Variants in MYO7A observed in about 807,000 individuals in gnomAD.
MYO7A encodes the protein unconventional myosin-VIIa.
Under a neutral mutation model 263.8 loss-of-function variants are expected in MYO7A, and 210 were observed. The ratio of observed to expected loss-of-function variants is 0.80; its 90% CI spans 0.71 to 0.89. The LOEUF (loss-of-function observed/expected upper bound fraction) is 0.89. MYO7A is among the 40% of genes least tolerant of loss of function. The probability of loss-of-function intolerance (pLI) is 0.00; values close to 1 mark genes in which losing one functional copy is unlikely to be tolerated. For synonymous variants in MYO7A, 1,239 were observed against 1,197.3 expected (o/e 1.03, Z -0.72); for missense variants, 2,820 against 2,968.3 (o/e 0.95, Z 1.16).
chr11:77,156,524 C>T, intron 5 of MYO7A, 136 bp from the exon 6 acceptor site: 2 of 1,298,704 alleles, frequency 1.5e-6, no homozygotes, highest in South Asian at 1.4e-5. Context: ...GAGCCCTGCC[C>T]CAGCCCTGGA....
chr11:77,148,408 T>C (rs1232719977), intron 4 of MYO7A, among the ~76,000 whole-genome samples: 1 of 152,178 alleles, frequency 6.6e-6, no homozygotes, highest in East Asian at 1.9e-4. Flanking sequence ...GGAGGGAACA[T>C]GCTCTGCTCC....
Position 77,157,382 on chromosome 11 carries a change from A to G in MYO7A, c.839A>G (p.Tyr280Cys), listed in dbSNP as rs782145980. 3.7e-6 allele frequency: 6 copies of G among 1,605,890 alleles called. No homozygotes were observed. Among genetic ancestry groups the G allele is most frequent in the Non-Finnish European group, 5.1e-6 (6 of 1,176,188 alleles). The part of the protein sequence containing the change: ...LGLGQASDYN[Y>C]LAMGNCITCE... ...TTGGGCCAGGCCTCTGACTACAACT[A>G]CTTGGCCATGGTGAGGCCCAGGTGG... Residue 280 changes from tyrosine to cysteine, a missense_variant, in exon 8 of 49, where the codon TAC (tyrosine) becomes TGC (cysteine). Physicochemically the swap from Tyr to Cys is radical, Grantham distance 194. Transcript: ENST00000409709.
chr11:77,194,435 C>G lies in MYO7A; in HGVS notation c.4234C>G (p.Leu1412Val), dbSNP rs1457336577. The change falls in exon 32 of 49, where the codon CTC becomes GTC. Residue 1412 changes from leucine to valine, a missense_variant. Transcript: ENST00000409709. ...SEMILERLLN[L>V]VPTYIPDREI... ...GATGATCCTGGAGCGCCTCCTGAAC[C>G]TCGTGCCCACCTACATCCCCGACCG... 6 of 1,611,986 alleles carry G rather than the reference C, an allele frequency of 3.7e-6. 1 individual carries two copies. The South Asian group carries it at 6.6e-5, about 18-fold the overall frequency.
At chr11:77,159,418 C>G in intron 9 of MYO7A, 29 bp from the exon 10 acceptor site, 1 of 1,524,388 alleles carries the variant, frequency 6.6e-7, no homozygotes. Flanking sequence ...CCCTCCCTCC[C>G]CTGATGCTGT....
chr11:77,189,606 T>G (rs782473950), intron 28 of MYO7A, 136 bp downstream of exon 28: 54 of 1,300,076 alleles, frequency 4.2e-5, no homozygotes, highest in Non-Finnish European at 5.3e-5. Flanking sequence ...GAGCCCCATC[T>G]TCCTGGCACC....
chr11:77,137,833 C>T (rs894411366), intron 2 of MYO7A, among the ~76,000 whole-genome samples: 3 of 152,172 alleles, frequency 2.0e-5, no homozygotes, highest in Admixed American at 6.5e-5. Flanking sequence ...TTCCCCCAAA[C>T]TTACCCCAGA....
rs960270747 is a variant in MYO7A at position 77,138,457 on chromosome 11, C to T, written c.19-4252C>T. Among the ~76,000 whole-genome samples the T allele has an allele frequency of 6.6e-6, 1 of 152,102 alleles. No homozygotes were observed. The highest frequency in any genetic ancestry group is 2.4e-5 in the African/African-American group (1 of 41,420). ...AGGAGGGGAGAAGGGAGGGGGAGGG[C>T]GCCTCGCCCCGGGCCTCAGTTTCCC... is the stretch of plus-strand genomic sequence containing the variant. On this transcript the variant is annotated intron_variant, in intron 2 of 48. Coordinates refer to ENST00000409709, the MANE Select transcript of MYO7A (RefSeq NM_000260.4). The surrounding 1 kb of genome is among the most constrained non-coding windows in gnomAD (Gnocchi z 4.9).
intron 2 of MYO7A, among the ~76,000 whole-genome samples, chr11:77,136,563 A>T (rs1950910720): frequency 6.6e-6 from 1 of 152,194 alleles, no homozygotes. Flanking sequence ...TGCCTAAAAA[A>T]AAAATCTTAA....
At position 77,138,321 on chromosome 11, in the gene MYO7A, C is replaced by T. The variant is rs372668137; in HGVS notation, c.19-4388C>T. The stretch of plus-strand genomic sequence containing the variant: ...GCCGTCGCAGCGCCATGGAGGACCC[C>T]GCCGACCCTGCCGACCCCGCGCGCA... On this transcript the variant is annotated intron_variant, in intron 2 of 48. Transcript: ENST00000409709. This position sits in a 1 kb window ranked among gnomAD's most constrained non-coding sequence, Gnocchi z 4.9. Among the ~76,000 whole-genome samples, 5 of 152,076 alleles carry T rather than the reference C, an allele frequency of 3.3e-5. No homozygotes were observed. The East Asian group carries it at 5.8e-4, about 18-fold the overall frequency.
At chr11:77,204,655 G>A (rs1430421256) in intron 39 of MYO7A, among the ~76,000 whole-genome samples, 1 of 152,126 alleles carries the variant, frequency 6.6e-6, no homozygotes, top group Non-Finnish European at 1.5e-5. Flanking sequence ...CCCAAAGGGT[G>A]CCACCTTCTC....
chr11:77,182,257 TG>T, intron 24 of MYO7A, 103 bp downstream of exon 24: 1 of 1,494,792 alleles, frequency 6.7e-7, no homozygotes, highest in Non-Finnish European at 9.1e-7. Context: ...GGTGGGTCCC[TG>T]GGGGCCAGGG....
rs397516286 is a variant in MYO7A, at chr11:77,162,272, T to C, written c.1496T>C (p.Ile499Thr). 1.9e-6 allele frequency: 3 copies of C among 1,554,278 alleles called. No homozygotes were observed. The highest frequency in any genetic ancestry group is 2.6e-6 in the Non-Finnish European group (3 of 1,148,346). The change falls in exon 13 of 49, where the codon ATT (isoleucine) becomes ACT (threonine). Residue 499 changes from isoleucine to threonine, a missense_variant. Physicochemically the swap from Ile to Thr is moderately conservative, Grantham distance 89. Coordinates refer to ENST00000409709, the MANE Select transcript of MYO7A (RefSeq NM_000260.4). ...FTDNQDALDMIANKPMNIISL... is the reference protein window; with the variant it reads ...FTDNQDALDMTANKPMNIISL... Reference sequence around the variant, plus strand: ...GACAACCAGGATGCCCTGGACATGATTGCCAACAAGCCCATGAACATCATC... The same window carrying C: ...GACAACCAGGATGCCCTGGACATGACTGCCAACAAGCCCATGAACATCATC...
intron 15 of MYO7A, 112 bp from the exon 16 acceptor site, chr11:77,172,636 T>A: frequency 7.2e-7 from 1 of 1,379,474 alleles, no homozygotes; most frequent in Non-Finnish European, 9.9e-7. Context: ...TACCGCCCTG[T>A]CCCTCAAACC....
At chr11:77,141,169 G>T (rs977896719) in intron 2 of MYO7A, among the ~76,000 whole-genome samples, 2 of 152,212 alleles carry the variant, frequency 1.3e-5, no homozygotes, top group Non-Finnish European at 2.9e-5. Flanking sequence ...TACACTCGAT[G>T]ACTTCATATG....
intron 2 of MYO7A, among the ~76,000 whole-genome samples, chr11:77,142,199 G>A (rs1018841299): frequency 1.3e-5 from 2 of 152,216 alleles, no homozygotes; most frequent in Non-Finnish European, 2.9e-5. Context: ...AGAAGACAAT[G>A]TGGCTGAACC....
chr11:77,156,165 CT>C (rs1237827825), intron 5 of MYO7A, 74 bp downstream of exon 5: 2 of 1,517,772 alleles, frequency 1.3e-6, no homozygotes, highest in African/African-American at 2.7e-5. Flanking sequence ...CTGCTGATAC[CT>C]CTAGGAATTG....
At chr11:77,152,832 G>T (rs117319718) in intron 4 of MYO7A, among the ~76,000 whole-genome samples, 2 of 152,056 alleles carry the variant, frequency 1.3e-5, no homozygotes, top group Non-Finnish European at 2.9e-5. Context: ...CATCGTCTCC[G>T]CTTGAAACTG....
intron 21 of MYO7A, 74 bp downstream of exon 21, chr11:77,180,027 T>C (rs1241172918): frequency 2.1e-6 from 3 of 1,432,124 alleles, no homozygotes; most frequent in African/African-American, 1.4e-5. Flanking sequence ...CCCTCAGGTG[T>C]TGGCCAGGAA....
intron 2 of MYO7A, chr11:77,139,509 G>A (rs1370975392): frequency 1.3e-5 from 2 of 152,132 alleles, no homozygotes; most frequent in Non-Finnish European, 1.5e-5. Flanking sequence ...GCCCCATACA[G>A]TGTGTAAAGT....
Sources: gnomAD v4.1 joint callset for allele counts (sites outside exome capture counted in the v4.1 genomes callset) on GRCh38, gnomAD v4.1.1 for gene constraint, Gnocchi (gnomAD v3.1) non-coding constraint, MANE v1.5 for transcripts, NCBI Gene and HGNC (gene_info 2026-07-23, HGNC 2026-07-21) for gene names.